The following ZNF263 variants were observed in gnomAD, a reference collection of about 807,000 sequenced individuals.
ZNF263 encodes zinc finger protein FPM315.
ZNF263 carries 49 observed loss-of-function variants against 63.1 expected under a neutral mutation model. The ratio of observed to expected loss-of-function variants is 0.78; its 90% CI spans 0.62 to 0.99. The LOEUF (loss-of-function observed/expected upper bound fraction) is 0.99. ZNF263 is among the 50% of genes least tolerant of loss of function. The pLI, the probability that ZNF263 is intolerant of heterozygous loss-of-function variation, is 0.00. For synonymous variants in ZNF263, 352 were observed against 324.2 expected (o/e 1.09, Z -0.92); for missense variants, 872 against 854.8 (o/e 1.02, Z -0.25).
At chr16:3,287,405 CTTTTTTT>C (rs34751211) in intron 4 of ZNF263, among the ~76,000 whole-genome samples, 7 of 97,868 alleles carry the variant, frequency 7.2e-5, no homozygotes, top group East Asian at 2.5e-4. Context: ...CACACCCGGC[CTTTTTTT>C]TTTTTTTTTT....
In ZNF263 at chr16:3,283,788, T is replaced by C; in HGVS notation, c.-31T>C. ...CGCCTTCGTAGGCGGGCACGGCTGG[T>C]TTCGGGCTAAGGCGCTCTGGAGACC... On this transcript the variant is annotated 5_prime_UTR_variant, in exon 1 of 6. Coordinates refer to ENST00000219069, the MANE Select transcript of ZNF263 (RefSeq NM_005741.5). The C allele has an allele frequency of 6.6e-7, 1 of 1,504,224 alleles. No individual in the cohort carries two copies. The highest frequency in any genetic ancestry group is 8.8e-7 in the Non-Finnish European group (1 of 1,132,384). 93.2% of individuals were successfully genotyped at this position (1,504,224 alleles called of 1,614,324 possible).
chr16:3,288,862 G>T (rs1366062498), intron 5 of ZNF263, among the ~76,000 whole-genome samples: 1 of 152,068 alleles, frequency 6.6e-6, no homozygotes, highest in African/African-American at 2.4e-5. Flanking sequence ...GGTCAGGCTG[G>T]TCTCCCTGAC....
chr16:3,300,314 C>T (rs763163059), intron 2 of ZNF263: 25 of 1,614,126 alleles, frequency 1.5e-5, no homozygotes, highest in South Asian at 4.4e-5. Flanking sequence ...TGAAGCTCCA[C>T]GCCTCTTACC....
chr16:3,291,322 C>T lies in ZNF263; in HGVS notation c.*764C>T. The T allele has an allele frequency of 1.0e-6, 1 of 985,386 alleles. No individual in the cohort carries two copies. Among genetic ancestry groups the T allele is most frequent in the Non-Finnish European group, 1.2e-6 (1 of 829,924 alleles). The allele number at this position is 985,386 out of a possible 1,614,324, so 61.0% of individuals were successfully genotyped here. A position where few individuals can be genotyped will look rare whatever the true frequency, so the allele number is the denominator to read the frequency against. ...AACAGCTCTGGAGTCTTGTTCCTGA[C>T]TCCAGAGGAACGAGAGCATTCCAGG... On this transcript the variant is annotated 3_prime_UTR_variant, in exon 6 of 6. Coordinates refer to ENST00000219069, the MANE Select transcript of ZNF263 (RefSeq NM_005741.5).
At position 3,289,794 on chromosome 16, in the gene ZNF263, G is replaced by A. The variant is rs1301858327; in HGVS notation, c.1288G>A (p.Gly430Arg). ...CCTGTCACTACACAGAGCACACCTGGGAGAGGAGGCCCACAAGTGCCTTGA... is the reference window on the plus strand; with the variant it reads ...CCTGTCACTACACAGAGCACACCTGAGAGAGGAGGCCCACAAGTGCCTTGA... ...RFLSLHRAHL[G>R]EEAHKCLECG... is the part of the protein sequence containing the mutation. Residue 430 changes from glycine (G) to arginine (R), a missense_variant, in exon 6 of 6, where the codon GGA becomes AGA. By Grantham distance (125) the Gly-to-Arg change is moderately radical (BLOSUM62 -2). Coordinates refer to ENST00000219069, the MANE Select transcript of ZNF263 (RefSeq NM_005741.5). 6.2e-7 allele frequency: 1 copy of A among 1,614,232 alleles called. No homozygotes were observed. The highest frequency in any genetic ancestry group is 2.2e-5 in the East Asian group (1 of 44,876).
At chr16:3,300,082 T>A (rs1352700639) in intron 2 of ZNF263, 1 of 1,614,074 alleles carries the variant, frequency 6.2e-7, no homozygotes, top group African/African-American at 1.3e-5. Context: ...GTCTGTTTCA[T>A]CCCCACTGTA....
chr16:3,284,206 G>T lies in ZNF263; in HGVS notation c.387+1G>T. 1 of 1,528,662 alleles carries T rather than the reference G, an allele frequency of 6.5e-7. No homozygotes were observed. The highest frequency in any genetic ancestry group is 2.3e-5 in the East Asian group (1 of 43,712). The allele number at this position is 1,528,662 out of a possible 1,614,324, so 94.7% of individuals were successfully genotyped here. A position where few individuals can be genotyped will look rare whatever the true frequency, so the allele number is the denominator to read the frequency against. ...AGAGCTTGGGAGACTGAGACAACAG[G>T]TGAGAGAGAGAGAGAGCTGTTTTAT... On this transcript the variant is annotated splice_donor_variant, in intron 1 of 5. Coordinates refer to ENST00000219069, the MANE Select transcript of ZNF263 (RefSeq NM_005741.5). LOFTEE classifies it high-confidence loss of function.
exon 3 of ZNF263, chr16:3,301,329 G>T (rs937721664): frequency 6.0e-6 from 1 of 167,130 alleles, no homozygotes; most frequent in Non-Finnish European, 1.5e-5. Flanking sequence ...AAGTGAAGAA[G>T]AAAGTAGTTT....
At position 3,284,091 on chromosome 16, in the gene ZNF263, C is replaced by T. The variant is rs762842567; in HGVS notation, c.273C>T (p.Thr91=). ...TGCTGGTGTTAGAGCAGTTCCTGAC[C>T]ATCCTGCCCCAGGAGATCCAGAGCA... ...LELLVLEQFL[T]ILPQEIQSRV... Residue 91 remains threonine, a synonymous_variant, in exon 1 of 6, where the codon ACC becomes ACT. Coordinates refer to ENST00000219069, the MANE Select transcript of ZNF263 (RefSeq NM_005741.5). The T allele has an allele frequency of 1.2e-6, 2 of 1,613,312 alleles. No individual in the cohort carries two copies. The highest frequency in any genetic ancestry group is 1.1e-5 in the South Asian group (1 of 91,030).
chr16:3,285,355 C>T lies in ZNF263; in HGVS notation c.568+116C>T, dbSNP rs1959306851. The T allele has an allele frequency of 1.2e-5, 15 of 1,235,304 alleles. No homozygotes were observed. The South Asian group carries it at 2.3e-4, about 19-fold the overall frequency. The allele number at this position is 1,235,304 out of a possible 1,614,324, so 76.5% of individuals were successfully genotyped here. On this transcript the variant is annotated intron_variant, in intron 2 of 5. Coordinates refer to ENST00000219069, the MANE Select transcript of ZNF263 (RefSeq NM_005741.5). ...AAGGAATTTCTGAAGATCAGGTTCT[C>T]ACCTGTGGAATGAAAGACCTGCAGT...
At chr16:3,298,082 G>A (rs931452672) in intron 1 of ZNF263, among the ~76,000 whole-genome samples, 1 of 152,184 alleles carries the variant, frequency 6.6e-6, no homozygotes, top group Admixed American at 6.5e-5. Context: ...CAACTGATAC[G>A]TTACATCCCC....
chr16:3,289,637 C>G lies in ZNF263; in HGVS notation c.1131C>G (p.Leu377=). 1 of 1,614,200 alleles carries G rather than the reference C, an allele frequency of 6.2e-7. No homozygotes were observed. The highest frequency in any genetic ancestry group is 8.5e-7 in the Non-Finnish European group (1 of 1,180,042). The change falls in exon 6 of 6, where the codon CTC becomes CTG. Residue 377 remains leucine (L), a synonymous_variant. Transcript: ENST00000219069. ...GRPKELQPKK[L]HLCPLCGKNF... is the part of the protein sequence containing the mutation. ...CGAAGGAACTGCAGCCAAAGAAACT[C>G]CATTTATGTCCCTTGTGTGGCAAAA...
intron 1 of ZNF263, among the ~76,000 whole-genome samples, chr16:3,297,355 G>A (rs1959777613): frequency 6.6e-6 from 1 of 150,424 alleles, no homozygotes; most frequent in Non-Finnish European, 1.5e-5. Flanking sequence ...AGGTACTAGA[G>A]CAAGAGTGGA....
At position 3,285,043 on chromosome 16, in the gene ZNF263, G is replaced by C. The variant is rs749001124; in HGVS notation, c.388-16G>C. 3.7e-6 allele frequency: 6 copies of C among 1,613,662 alleles called. No individual in the cohort carries two copies. The South Asian group carries it at 6.6e-5, about 18-fold the overall frequency. Reference sequence around the variant, plus strand: ...GGGCCCTGTTGTGATGATGAGTGATGTGGGTTGGTTCCCAGGTCACAAACC... The same window carrying C: ...GGGCCCTGTTGTGATGATGAGTGATCTGGGTTGGTTCCCAGGTCACAAACC... On this transcript the variant is annotated splice_polypyrimidine_tract_variant and intron_variant, in intron 1 of 5. Transcript: ENST00000219069.
At chr16:3,292,084 G>A (rs80068188), downstream of ZNF263, among the ~76,000 whole-genome samples, 3,171 of 152,218 alleles carry the variant, frequency 0.021, 112 homozygotes, top group African/African-American at 0.072. Flanking sequence ...TCAGAAATAG[G>A]AATTCTAGTA....
chr16:3,300,043 G>T (rs1596378286), intron 2 of ZNF263: 6 of 1,614,112 alleles, frequency 3.7e-6, no homozygotes, highest in Non-Finnish European at 5.1e-6. Flanking sequence ...ACTTGCCTGA[G>T]AATTTTCTGG....
At chr16:3,293,766 A>G (rs927321785), downstream of ZNF263, among the ~76,000 whole-genome samples, 5 of 152,240 alleles carry the variant, frequency 3.3e-5, no homozygotes, top group Non-Finnish European at 7.3e-5. Context: ...AATGACAACA[A>G]AGCCAGAGGT....
intron 1 of ZNF263, among the ~76,000 whole-genome samples, chr16:3,298,259 T>C (rs1358927253): frequency 6.6e-6 from 1 of 151,872 alleles, no homozygotes; most frequent in African/African-American, 2.4e-5. Context: ...CTTTGTCGAG[T>C]TACTTAATCT....
At chr16:3,288,660 T>C in intron 5 of ZNF263, 90 bp downstream of exon 5, 2 of 928,052 alleles carry the variant, frequency 2.2e-6, no homozygotes, top group Non-Finnish European at 3.3e-6. Flanking sequence ...TTTGTTTTGT[T>C]TTGAGATGGA....
Sources: gnomAD v4.1 joint callset for allele counts (sites outside exome capture counted in the v4.1 genomes callset) on GRCh38, gnomAD v4.1.1 for gene constraint, MANE v1.5 for transcripts, NCBI Gene and HGNC (gene_info 2026-07-23, HGNC 2026-07-21) for gene names.